ITGAE: variants seen among roughly 807,000 people sequenced by gnomAD.
The protein encoded by ITGAE is integrin alpha-E.
In ITGAE, 99 loss-of-function variants were observed where a neutral mutation model predicts 136.5. The observed-to-expected ratio is 0.73, with a 90% CI of 0.62 to 0.86. ITGAE has a LOEUF of 0.86. Among genes scored for constraint, ITGAE ranks in the 40% least tolerant of loss-of-function variants. The pLI is 0.00. For missense variants in ITGAE, 1,447 were observed against 1,515.3 expected (o/e 0.95, Z 0.75); for synonymous variants, 613 against 591.8 (o/e 1.04, Z -0.52).
chr17:3,764,022 GC>G, intron 2 of ITGAE, 62 bp from the exon 3 acceptor site: 1 of 1,196,454 alleles, frequency 8.4e-7, no homozygotes, highest in Non-Finnish European at 1.2e-6. Flanking sequence ...CTCCCTGCCT[GC>G]CCAGCACCCT....
At chr17:3,724,742 C>T in intron 26 of ITGAE, 1 of 1,614,156 alleles carries the variant, frequency 6.2e-7, no homozygotes, top group South Asian at 1.1e-5. Flanking sequence ...TGAGAGAGTC[C>T]TGCTGTAAAA....
intron 29 of ITGAE, 57 bp from the exon 30 acceptor site, chr17:3,716,855 C>T: frequency 1.0e-6 from 1 of 970,264 alleles, no homozygotes. Context: ...AGGAAAAAAT[C>T]CTACATGTTA....
chr17:3,785,294 C>T (rs535161241), intron 1 of ITGAE, among the ~76,000 whole-genome samples: 120 of 152,218 alleles, frequency 7.9e-4, no homozygotes, highest in African/African-American at 2.7e-3. Flanking sequence ...CATGGTGAAG[C>T]CCCATCTCTA....
At chr17:3,715,722 T>G (rs1268585222) in intron 30 of ITGAE, among the ~76,000 whole-genome samples, 1 of 151,612 alleles carries the variant, frequency 6.6e-6, no homozygotes, top group Non-Finnish European at 1.5e-5. Flanking sequence ...CTGGGTGTGG[T>G]GGCATGCACC....
chr17:3,724,863 C>A (rs139905328), intron 26 of ITGAE: 1 of 1,613,798 alleles, frequency 6.2e-7, no homozygotes, highest in Non-Finnish European at 8.5e-7. Context: ...AGAGGCCGTC[C>A]GGAGAGAGCA....
intron 23 of ITGAE, among the ~76,000 whole-genome samples, chr17:3,729,996 T>A (rs758617623): frequency 2.0e-4 from 30 of 152,186 alleles, no homozygotes; most frequent in Non-Finnish European, 4.0e-4. Context: ...AGCACCTAGT[T>A]ACTAAGCCCA....
intron 22 of ITGAE, 152 bp from the exon 23 acceptor site, chr17:3,731,335 CT>C (rs78134599): frequency 0.023 from 8,820 of 391,450 alleles, 2 homozygotes; most frequent in South Asian, 0.058. Context: ...CTTTCCCTTC[CT>C]TTTTTTTTTT....
chr17:3,784,285 T>C, intron 1 of ITGAE: 1 of 348,806 alleles, frequency 2.9e-6, no homozygotes, highest in Admixed American at 4.3e-5. Flanking sequence ...AATAAAAAAA[T>C]AAAAATAAAA....
At chr17:3,796,101 G>A (rs1185368415) in intron 1 of ITGAE, among the ~76,000 whole-genome samples, 5 of 62,918 alleles carry the variant, frequency 7.9e-5, no homozygotes, top group Non-Finnish European at 1.5e-4. Context: ...ATCCGTGTGT[G>A]TGCATCCCTG....
At chr17:3,748,488 G>C (rs1425174533) in intron 16 of ITGAE, among the ~76,000 whole-genome samples, 3 of 152,180 alleles carry the variant, frequency 2.0e-5, no homozygotes, top group Non-Finnish European at 2.9e-5. Flanking sequence ...TTGGGAGGCT[G>C]AGGCAGGAGA....
rs757736774 is a variant in ITGAE, at chr17:3,716,799, C to T, written c.3334-1G>A. 6.6e-7 allele frequency: 1 copy of T among 1,513,910 alleles called. No individual in the cohort carries two copies. The highest frequency in any genetic ancestry group is 9.2e-7 in the Non-Finnish European group (1 of 1,092,072). 93.8% of individuals were successfully genotyped at this position (1,513,910 alleles called of 1,614,324 possible). On this transcript the variant is annotated splice_acceptor_variant, in intron 29 of 30. Transcript: ENST00000263087. LOFTEE classifies it high-confidence loss of function. ...CATCTTTCAGGAAGACGACAGTGAT[C>T]TAGACAAGACAAAGAGATCGCCCAA...
chr17:3,717,465 A>C (rs2050964992), intron 29 of ITGAE: 1 of 152,206 alleles, frequency 6.6e-6, no homozygotes, highest in Non-Finnish European at 1.5e-5. Flanking sequence ...TCGGGAGTCT[A>C]ATCTCTCTTC....
intron 12 of ITGAE, among the ~76,000 whole-genome samples, chr17:3,754,230 A>G (rs1213089669): frequency 1.3e-5 from 2 of 152,156 alleles, no homozygotes; most frequent in African/African-American, 4.8e-5. Context: ...AGGACGGAGA[A>G]GAGGGGTGAG....
intron 3 of ITGAE, among the ~76,000 whole-genome samples, chr17:3,763,213 A>C (rs1007420390): frequency 6.6e-6 from 1 of 151,992 alleles, no homozygotes; most frequent in Non-Finnish European, 1.5e-5. Flanking sequence ...CAAGGATTCT[A>C]TTTATTTATA....
chr17:3,733,668 G>A (rs529638720), intron 21 of ITGAE, among the ~76,000 whole-genome samples: 30 of 152,186 alleles, frequency 2.0e-4, no homozygotes, highest in Non-Finnish European at 2.8e-4. Context: ...TGATCCGCCC[G>A]CCTCGGCCTC....
At chr17:3,749,434 A>G (rs2143018498) in intron 16 of ITGAE, among the ~76,000 whole-genome samples, 1 of 151,992 alleles carries the variant, frequency 6.6e-6, no homozygotes, top group Non-Finnish European at 1.5e-5. Flanking sequence ...TTGTATTTTT[A>G]GTAGAGATGA....
At chr17:3,739,705 G>T in intron 20 of ITGAE, 100 bp downstream of exon 20, 2 of 974,772 alleles carry the variant, frequency 2.1e-6, no homozygotes. Flanking sequence ...GCCACGGGGA[G>T]AGGGGAAGGG....
At chr17:3,738,184 C>A (rs2051503349) in intron 20 of ITGAE, among the ~76,000 whole-genome samples, 1 of 148,768 alleles carries the variant, frequency 6.7e-6, no homozygotes, top group South Asian at 2.2e-4. Flanking sequence ...CTCCCCCCCT[C>A]CCCGTTTTTG....
Position 3,753,851 on chromosome 17 carries a change from C to T in ITGAE, c.1459G>A (p.Gly487Arg), listed in dbSNP as rs2051933037. The change falls in exon 13 of 31, where the codon GGG (glycine) becomes AGG (arginine). Residue 487 changes from glycine (G) to arginine (R), a missense_variant. Physicochemically the swap from Gly to Arg is moderately radical, Grantham distance 125 (BLOSUM62 -2). Around this residue, in one of 3 missense-constraint regions of ITGAE, gnomAD observed 1,031 missense variants for 1,011.4 expected, o/e 1.02. Coordinates refer to ENST00000263087, the MANE Select transcript of ITGAE (RefSeq NM_002208.5). Reference protein sequence around the residue: ...IAGAPRYKHHGAVFELQKEGR... With the variant: ...IAGAPRYKHHRAVFELQKEGR... ...TCCTTCTGGAGCTCAAACACGGCCC[C>T]ATGATGTTTGTACCGTGGAGCCCCC... 2 of 1,614,182 alleles carry T rather than the reference C, an allele frequency of 1.2e-6. No homozygotes were observed. Among genetic ancestry groups the T allele is most frequent in the Non-Finnish European group, 1.7e-6 (2 of 1,180,014 alleles).
Sources: gnomAD v4.1 joint callset for allele counts (sites outside exome capture counted in the v4.1 genomes callset) on GRCh38, gnomAD v4.1.1 for gene constraint, gnomAD v4.1.1 regional missense constraint, MANE v1.5 for transcripts, NCBI Gene and HGNC (gene_info 2026-07-23, HGNC 2026-07-21) for gene names.